Variants in COPZ2 observed in about 807,000 individuals in gnomAD.
COPZ2 encodes coat protein complex I subunit zeta 2, also known as coatomer subunit zeta-2.
In COPZ2, 30 loss-of-function variants were observed where a neutral mutation model predicts 33.2. That is an observed-to-expected ratio of 0.90 (90% CI 0.68 to 1.23). COPZ2 has a LOEUF of 1.23. COPZ2 is among the 50% of genes most tolerant of loss of function. COPZ2 has a pLI of 0.00. For synonymous variants in COPZ2, 89 were observed against 102.6 expected (o/e 0.87, Z 0.80); for missense variants, 263 against 262.4 (o/e 1.00, Z -0.02).
At chr17:48,042,500 C>T (rs1387802833), upstream of COPZ2, among the ~76,000 whole-genome samples, 2 of 148,064 alleles carry the variant, frequency 1.4e-5, no homozygotes, top group Non-Finnish European at 3.0e-5. Flanking sequence ...CTCACTCTGT[C>T]GCCCAGGCTG....
chr17:48,033,999 C>CCAAT, intron 2 of COPZ2, 55 bp from the exon 3 acceptor site: 3 of 1,310,404 alleles, frequency 2.3e-6, no homozygotes, highest in Non-Finnish European at 3.2e-6. Flanking sequence ...CTGGATCCTC[C>CCAAT]CTAGATTGGG....
intron 6 of COPZ2, among the ~76,000 whole-genome samples, chr17:48,030,442 G>A (rs2036879714): frequency 6.6e-6 from 1 of 152,178 alleles, no homozygotes; most frequent in Admixed American, 6.5e-5. Flanking sequence ...ACATGGGCGT[G>A]AGGGCCTGTC....
intron 8 of COPZ2, among the ~76,000 whole-genome samples, chr17:48,027,212 C>A (rs1220350182): frequency 6.6e-6 from 1 of 152,248 alleles, no homozygotes; most frequent in Non-Finnish European, 1.5e-5. Flanking sequence ...ACTTTGTCCT[C>A]ATTTTATCCC....
intron 2 of COPZ2, among the ~76,000 whole-genome samples, chr17:48,036,441 C>G (rs2036983856): frequency 6.6e-6 from 1 of 152,110 alleles, no homozygotes; most frequent in Non-Finnish European, 1.5e-5. Context: ...GTTCTAAATC[C>G]TTAGACTCCT....
chr17:48,032,424 C>T (rs1235248456), intron 5 of COPZ2, among the ~76,000 whole-genome samples, 191 bp from the exon 6 acceptor site: 2 of 152,230 alleles, frequency 1.3e-5, no homozygotes, highest in Non-Finnish European at 2.9e-5. Context: ...GGCAGTTCTG[C>T]TTCCTTACAC....
In COPZ2 at chr17:48,031,800, T is replaced by G. The variant is rs60729730; in HGVS notation, c.494+356A>C. The G allele has an allele frequency of 1.8e-3, 558 of 313,508 alleles. 2 individuals are homozygous for G. Among genetic ancestry groups the G allele is most frequent in the African/African-American group, 0.011 (528 of 46,744 alleles). The allele number at this position is 313,508 out of a possible 1,614,324, so 19.4% of individuals were successfully genotyped here. ...GCCCTAAGAGCAGGACATGTGGGGC[T>G]GGTGGGACTGTCTGAAGTCCTTCCA... On this transcript the variant is annotated intron_variant, in intron 6 of 8. Transcript: ENST00000621465.
upstream of COPZ2, among the ~76,000 whole-genome samples, chr17:48,042,684 A>G (rs2037073750): frequency 6.6e-6 from 1 of 150,746 alleles, no homozygotes; most frequent in Non-Finnish European, 1.5e-5. Flanking sequence ...TTGTTCTCCA[A>G]CTCCTGACCT....
In COPZ2 at chr17:48,032,209, C is replaced by G. The variant is rs764448298; in HGVS notation, c.441G>C (p.Leu147Phe). ...AGAAGGCTCCGTCCATGTTCTCCAGCAACCAGCGCTTCTCCACGTTCTTCC... is the reference window on the plus strand; with the variant it reads ...AGAAGGCTCCGTCCATGTTCTCCAGGAACCAGCGCTTCTCCACGTTCTTCC... ...MLRKNVEKRWLLENMDGAFLV... is the reference protein window; with the variant it reads ...MLRKNVEKRWFLENMDGAFLV... Residue 147 changes from leucine to phenylalanine, a missense_variant, in exon 6 of 9, where the codon TTG becomes TTC. Coordinates refer to ENST00000621465, the MANE Select transcript of COPZ2 (RefSeq NM_016429.4). 3.1e-6 allele frequency: 5 copies of G among 1,613,302 alleles called. No individual in the cohort carries two copies. The highest frequency in any genetic ancestry group is 4.2e-6 in the Non-Finnish European group (5 of 1,179,724).
chr17:48,036,628 G>C (rs561066226), intron 2 of COPZ2, among the ~76,000 whole-genome samples: 4 of 152,338 alleles, frequency 2.6e-5, no homozygotes, highest in Non-Finnish European at 5.9e-5. Flanking sequence ...CAACTGGCCA[G>C]TAGCAGGATG....
chr17:48,045,194 A>T, the COPZ2 span: 3 of 152,174 alleles, frequency 2.0e-5, no homozygotes, highest in African/African-American at 4.8e-5. Context: ...TCCTGGCTCA[A>T]GTGATCTGCC....
intron 8 of COPZ2, among the ~76,000 whole-genome samples, chr17:48,027,279 A>G (rs73325389): frequency 0.079 from 11,954 of 152,244 alleles, 978 homozygotes; most frequent in African/African-American, 0.21. Flanking sequence ...CAAAAATGCT[A>G]TGTTTTCATT....
upstream of COPZ2, among the ~76,000 whole-genome samples, chr17:48,043,003 G>C (rs1481545785): frequency 6.6e-6 from 1 of 152,216 alleles, no homozygotes; most frequent in Non-Finnish European, 1.5e-5. Context: ...GTCTTCCACA[G>C]AGCATGGCCC....
At chr17:48,041,361 A>T (rs539646343), upstream of COPZ2, among the ~76,000 whole-genome samples, 304 of 152,276 alleles carry the variant, frequency 2.0e-3, 1 homozygote, top group South Asian at 9.5e-3. Context: ...GGAAAAGTAG[A>T]TATTATATGA....
intron 4 of COPZ2, 129 bp downstream of exon 4, chr17:48,033,082 C>A (rs1183825052): frequency 1.5e-6 from 1 of 677,990 alleles, no homozygotes; most frequent in Non-Finnish European, 2.6e-6. Flanking sequence ...CTGCCCTCCT[C>A]TACCCCATGG....
At chr17:48,046,020 T>C in the COPZ2 span, 1 of 152,244 alleles carries the variant, frequency 6.6e-6, no homozygotes, top group Non-Finnish European at 1.5e-5. Context: ...TCAAATATCC[T>C]GGGCGCCCAC....
the COPZ2 span, among the ~76,000 whole-genome samples, chr17:48,044,770 C>T: frequency 6.6e-5 from 10 of 152,186 alleles, no homozygotes; most frequent in East Asian, 1.9e-3. Flanking sequence ...CCGGATTTGC[C>T]AGAAAACTAA....
intron 2 of COPZ2, 150 bp from the exon 3 acceptor site, chr17:48,034,094 C>A: frequency 1.7e-6 from 1 of 598,874 alleles, no homozygotes; most frequent in East Asian, 2.8e-5. Flanking sequence ...CCTGCAGGCT[C>A]ATTACTTCCT....
At chr17:48,045,268 T>C in the COPZ2 span, 1 of 152,144 alleles carries the variant, frequency 6.6e-6, no homozygotes. Context: ...CTTAGAGACA[T>C]TTTTAGAGGA....
At chr17:48,026,553 G>T in intron 8 of COPZ2, 78 bp from the exon 9 acceptor site, 1 of 1,073,306 alleles carries the variant, frequency 9.3e-7, no homozygotes, top group Non-Finnish European at 1.4e-6. Context: ...GAGGTCCACA[G>T]CCCACCTTGC....
Sources: allele counts gnomAD v4.1 joint callset (sites outside exome capture counted in the v4.1 genomes callset), GRCh38; gene constraint gnomAD v4.1.1; transcripts MANE v1.5; gene names NCBI Gene and HGNC (gene_info 2026-07-23, HGNC 2026-07-21).